CAMK1D: variants seen among roughly 807,000 people sequenced by gnomAD.
CAMK1D encodes calcium/calmodulin-dependent protein kinase type 1D.
Under a neutral mutation model 47.7 loss-of-function variants are expected in CAMK1D, and 9 were observed. The ratio of observed to expected loss-of-function variants is 0.19; its 90% CI spans 0.11 to 0.33. CAMK1D has a LOEUF of 0.33. CAMK1D is among the 10% of genes least tolerant of loss of function. The probability of loss-of-function intolerance (pLI) is 1.00; values close to 1 mark genes in which losing one functional copy is unlikely to be tolerated. For missense variants in CAMK1D, 291 were observed against 488.7 expected (o/e 0.60, Z 3.81); for synonymous variants, 184 against 184.9 (o/e 0.99, Z 0.04).
At chr10:12,451,071 A>G (rs1013660866) in intron 1 of CAMK1D, among the ~76,000 whole-genome samples, 4 of 152,172 alleles carry the variant, frequency 2.6e-5, no homozygotes, top group African/African-American at 9.7e-5. Flanking sequence ...TCTTTCCCAC[A>G]TGAGCTCTGA....
At chr10:12,737,205 C>T (rs909662723) in intron 3 of CAMK1D, among the ~76,000 whole-genome samples, 73 of 152,086 alleles carry the variant, frequency 4.8e-4, no homozygotes, top group African/African-American at 1.7e-3. Flanking sequence ...TCAGGGTCTT[C>T]ACTTTCTTTC....
At chr10:12,454,470 A>AT (rs1382413517) in intron 1 of CAMK1D, among the ~76,000 whole-genome samples, 5 of 147,028 alleles carry the variant, frequency 3.4e-5, no homozygotes, top group South Asian at 2.2e-4. Flanking sequence ...CCGAATTTTA[A>AT]TTTTTTTTTA....
intron 3 of CAMK1D, among the ~76,000 whole-genome samples, chr10:12,715,375 T>C (rs1834089026): frequency 6.6e-6 from 1 of 152,252 alleles, no homozygotes; most frequent in Non-Finnish European, 1.5e-5. Flanking sequence ...TCATTTCTTA[T>C]CACTAGCTGC....
At chr10:12,564,991 T>C (rs1391614526) in intron 2 of CAMK1D, among the ~76,000 whole-genome samples, 1 of 152,192 alleles carries the variant, frequency 6.6e-6, no homozygotes, top group African/African-American at 2.4e-5. Context: ...GAAGGACCAC[T>C]TGAGGCAAGG....
chr10:12,673,123 A>T (rs984418852), intron 3 of CAMK1D, among the ~76,000 whole-genome samples: 25 of 151,720 alleles, frequency 1.6e-4, no homozygotes, highest in African/African-American at 5.6e-4. Context: ...GAGCTCAGGC[A>T]ATCCTCCTGT....
At chr10:12,651,177 A>G (rs1839952740) in intron 2 of CAMK1D, among the ~76,000 whole-genome samples, 2 of 152,102 alleles carry the variant, frequency 1.3e-5, no homozygotes, top group Admixed American at 6.5e-5. Flanking sequence ...CTGCCTGCCT[A>G]GTGAACTAAA....
rs1832790705 is a variant in CAMK1D at position 12,816,342 on chromosome 10, C to A, written c.833+14C>A. On this transcript the variant is annotated intron_variant, in intron 8 of 10. Transcript: ENST00000619168. ...TCGGCACCCATGGTAAGGAAATGCACCCGCTCAGCAGACCGTGCCATTTAA... is the reference window on the plus strand; with the variant it reads ...TCGGCACCCATGGTAAGGAAATGCAACCGCTCAGCAGACCGTGCCATTTAA... 6.2e-7 allele frequency: 1 copy of A among 1,610,200 alleles called. No individual in the cohort carries two copies.
At chr10:12,462,191 G>T (rs1202751900) in intron 1 of CAMK1D, among the ~76,000 whole-genome samples, 6 of 111,778 alleles carry the variant, frequency 5.4e-5, no homozygotes, top group African/African-American at 1.4e-4. Flanking sequence ...TTTAGGCAGA[G>T]TCTTCCCCTC....
At chr10:12,586,587 C>A (rs557729667) in intron 2 of CAMK1D, among the ~76,000 whole-genome samples, 2 of 151,872 alleles carry the variant, frequency 1.3e-5, no homozygotes, top group East Asian at 3.9e-4. Flanking sequence ...AGAGAAGATC[C>A]AGGATTAGCC....
chr10:12,601,708 C>T (rs530399852), intron 2 of CAMK1D, among the ~76,000 whole-genome samples: 8 of 152,298 alleles, frequency 5.3e-5, no homozygotes, highest in South Asian at 2.1e-4. Flanking sequence ...GTGATCCGCC[C>T]GCCTCGGCCT....
At chr10:12,582,602 A>G (rs529962491) in intron 2 of CAMK1D, among the ~76,000 whole-genome samples, 3 of 152,248 alleles carry the variant, frequency 2.0e-5, no homozygotes, top group South Asian at 2.1e-4. Flanking sequence ...TTGGTTAGGT[A>G]TATTACCAAA....
At chr10:12,455,666 T>C (rs956129187) in intron 1 of CAMK1D, among the ~76,000 whole-genome samples, 4 of 152,230 alleles carry the variant, frequency 2.6e-5, no homozygotes, top group Admixed American at 1.3e-4. Context: ...TGATGGACAT[T>C]TGGTTGTTTC....
At chr10:12,660,974 T>C (rs1204873594) in intron 2 of CAMK1D, among the ~76,000 whole-genome samples, 1 of 152,258 alleles carries the variant, frequency 6.6e-6, no homozygotes, top group Non-Finnish European at 1.5e-5. Context: ...AACTGACATC[T>C]CTGCCTCTTT....
At chr10:12,480,609 G>T (rs147148392) in intron 1 of CAMK1D, among the ~76,000 whole-genome samples, 12 of 152,104 alleles carry the variant, frequency 7.9e-5, no homozygotes, top group African/African-American at 2.9e-4. Flanking sequence ...CAATAACCTC[G>T]TGGGGTGGGT....
chr10:12,810,016 C>T (rs375855652), intron 6 of CAMK1D, among the ~76,000 whole-genome samples: 30 of 151,730 alleles, frequency 2.0e-4, no homozygotes, highest in South Asian at 1.5e-3. Context: ...GGCATGGTGG[C>T]GTGCACCTGT....
At chr10:12,761,118 C>T (rs776047974) in intron 4 of CAMK1D, 32 bp downstream of exon 4, 2 of 1,606,804 alleles carry the variant, frequency 1.2e-6, no homozygotes, top group Non-Finnish European at 8.5e-7. Flanking sequence ...ATCCTGCAGC[C>T]ACTCTGCAGC....
At chr10:12,535,381 G>A (rs1355514435) in intron 1 of CAMK1D, among the ~76,000 whole-genome samples, 1 of 152,222 alleles carries the variant, frequency 6.6e-6, no homozygotes, top group Non-Finnish European at 1.5e-5. Flanking sequence ...CCACCAAAGT[G>A]TATGAGAACA....
At chr10:12,754,871 C>A (rs939641874) in intron 3 of CAMK1D, among the ~76,000 whole-genome samples, 2 of 152,118 alleles carry the variant, frequency 1.3e-5, no homozygotes, top group Non-Finnish European at 2.9e-5. Context: ...TCTTTAAAGG[C>A]CCTATCTCCA....
chr10:12,449,375 C>T lies in CAMK1D; in HGVS notation c.92+99465C>T, dbSNP rs566794263. Among the ~76,000 whole-genome samples the T allele has an allele frequency of 2.6e-5, 4 of 151,972 alleles. No individual in the cohort carries two copies. In the East Asian group the frequency reaches 7.7e-4, roughly 29 times the overall value. Reference sequence around the variant, plus strand: ...TTGAAAACAGCCTTGGCAGGAACCACGCTTGCTGTTAACCAGCTCGTCCAC... The same window carrying T: ...TTGAAAACAGCCTTGGCAGGAACCATGCTTGCTGTTAACCAGCTCGTCCAC... On this transcript the variant is annotated intron_variant, in intron 1 of 10. Transcript: ENST00000619168.
Sources: gnomAD v4.1 joint callset for allele counts (sites outside exome capture counted in the v4.1 genomes callset) on GRCh38, gnomAD v4.1.1 for gene constraint, MANE v1.5 for transcripts, NCBI Gene and HGNC (gene_info 2026-07-23, HGNC 2026-07-21) for gene names.